RBFOX1: variants seen among roughly 807,000 people sequenced by gnomAD.
The protein encoded by RBFOX1 is RNA binding fox-1 homolog 1.
In RBFOX1, 8 loss-of-function variants were observed where a neutral mutation model predicts 57.7. The observed-to-expected ratio is 0.14, with a 90% CI of 0.08 to 0.25. The LOEUF is 0.25. Ranked by LOEUF, RBFOX1 falls within the 10% of genes least tolerant of loss-of-function variation. RBFOX1 has a pLI of 1.00. For missense variants in RBFOX1, 611 were observed against 548.5 expected (o/e 1.11, Z -1.14); for synonymous variants, 326 against 222.4 (o/e 1.47, Z -4.15).
At chr16:6,239,704 G>T (rs557451028) in intron 1 of RBFOX1, among the ~76,000 whole-genome samples, 2 of 151,924 alleles carry the variant, frequency 1.3e-5, no homozygotes, top group Non-Finnish European at 2.9e-5. Flanking sequence ...TCACCATGTT[G>T]ACCAGGCTGG....
At chr16:7,320,857 A>C (rs1314141571) in intron 4 of RBFOX1, among the ~76,000 whole-genome samples, 1 of 152,210 alleles carries the variant, frequency 6.6e-6, no homozygotes, top group African/African-American at 2.4e-5. Flanking sequence ...TATTGCCCCA[A>C]ATTTATAAGG....
intron 1 of RBFOX1, among the ~76,000 whole-genome samples, chr16:6,149,821 G>T (rs1363035316): frequency 6.6e-6 from 1 of 152,166 alleles, no homozygotes; most frequent in Non-Finnish European, 1.5e-5. Flanking sequence ...GAACGTTTAT[G>T]GCCTAATAGC....
At chr16:5,593,135 T>C (rs567057612) in intron 2 of RBFOX1, among the ~76,000 whole-genome samples, 8 of 151,642 alleles carry the variant, frequency 5.3e-5, no homozygotes, top group African/African-American at 2.0e-4. Context: ...ATGTGGCACA[T>C]ATACACCATG....
At chr16:6,652,219 G>A (rs2098602015) in intron 2 of RBFOX1, among the ~76,000 whole-genome samples, 2 of 152,158 alleles carry the variant, frequency 1.3e-5, no homozygotes, top group Non-Finnish European at 2.9e-5. Flanking sequence ...GGGAGGGCGA[G>A]GCGGGCAGAT....
chr16:6,290,606 C>T (rs572823304), intron 1 of RBFOX1, among the ~76,000 whole-genome samples: 25 of 152,226 alleles, frequency 1.6e-4, no homozygotes, highest in African/African-American at 6.0e-4. Context: ...ACATAGCGGT[C>T]ATCCTATTGT....
intron 4 of RBFOX1, among the ~76,000 whole-genome samples, chr16:7,452,782 C>G (rs982452497): frequency 6.6e-6 from 1 of 152,084 alleles, no homozygotes; most frequent in Non-Finnish European, 1.5e-5. Flanking sequence ...TACTTAGAGT[C>G]TGGTGAAAGA....
chr16:5,552,343 C>A (rs769516249), intron 2 of RBFOX1, among the ~76,000 whole-genome samples: 20 of 152,164 alleles, frequency 1.3e-4, no homozygotes, highest in Admixed American at 2.0e-4. Context: ...ATTTTTCCAG[C>A]GCTATTTGCT....
At chr16:7,554,056 CTA>C (rs1323752691) in intron 5 of RBFOX1, among the ~76,000 whole-genome samples, 2 of 152,144 alleles carry the variant, frequency 1.3e-5, no homozygotes, top group African/African-American at 2.4e-5. Flanking sequence ...CTGCAGCGAA[CTA>C]TGATCGGAAC....
At chr16:5,687,438 T>C (rs1009535287) in intron 3 of RBFOX1, among the ~76,000 whole-genome samples, 6 of 152,054 alleles carry the variant, frequency 3.9e-5, no homozygotes, top group Non-Finnish European at 8.8e-5. Flanking sequence ...GACACTGATA[T>C]GTACATCTCA....
chr16:6,921,741 A>G (rs142416842), intron 3 of RBFOX1, among the ~76,000 whole-genome samples: 139 of 151,734 alleles, frequency 9.2e-4, no homozygotes, highest in African/African-American at 3.2e-3. Context: ...ATATATGAGC[A>G]TATGTATGTG....
Position 7,200,618 on chromosome 16 carries a change from T to G in RBFOX1, c.27+148520T>G, listed in dbSNP as rs1380940216. Among the ~76,000 whole-genome samples, 3 of 152,328 alleles carry G rather than the reference T, an allele frequency of 2.0e-5. No homozygotes were observed. The East Asian group carries it at 5.8e-4, about 29-fold the overall frequency. On this transcript the variant is annotated intron_variant, in intron 4 of 15. Coordinates refer to ENST00000550418, the MANE Select transcript of RBFOX1 (RefSeq NM_018723.4). ...GCCAGCTGTCTACCCAGTATCCCTT[T>G]ATGCCTTCTTTTAAAGGAATAGAGT...
intron 3 of RBFOX1, among the ~76,000 whole-genome samples, chr16:7,008,675 T>C (rs1019199567): frequency 3.8e-3 from 9 of 2,394 alleles, no homozygotes; most frequent in South Asian, 0.071. Flanking sequence ...CTCCCTCCCT[T>C]CCTCCTCCCT....
intron 1 of RBFOX1, among the ~76,000 whole-genome samples, chr16:6,213,536 C>T (rs866343624): frequency 1.3e-5 from 2 of 152,170 alleles, no homozygotes; most frequent in South Asian, 2.1e-4. Context: ...AGGCAGGTAC[C>T]GCCTTCTGCT....
At chr16:5,541,548 T>G (rs1437762969) in intron 2 of RBFOX1, among the ~76,000 whole-genome samples, 1 of 152,120 alleles carries the variant, frequency 6.6e-6, no homozygotes, top group Non-Finnish European at 1.5e-5. Context: ...TGCATTCTCT[T>G]GAGTTTCTGA....
At chr16:6,600,026 A>G (rs1046537714) in intron 2 of RBFOX1, among the ~76,000 whole-genome samples, 24 of 152,296 alleles carry the variant, frequency 1.6e-4, no homozygotes, top group African/African-American at 5.8e-4. Context: ...GATAACTGCA[A>G]AGGGCATCTG....
intron 4 of RBFOX1, among the ~76,000 whole-genome samples, chr16:7,197,028 A>G (rs970564835): frequency 6.6e-6 from 1 of 152,206 alleles, no homozygotes; most frequent in Non-Finnish European, 1.5e-5. Context: ...TCGAAGGTGC[A>G]CACCATAGCC....
Position 7,355,069 on chromosome 16 carries a change from T to A in RBFOX1, c.28-163078T>A, listed in dbSNP as rs77787142. Among the ~76,000 whole-genome samples the A allele has an allele frequency of 1.6e-3, 245 of 152,308 alleles. 1 individual carries two copies. The highest frequency in any genetic ancestry group is 5.7e-3 in the African/African-American group (239 of 41,570). On this transcript the variant is annotated intron_variant, in intron 4 of 15. Coordinates refer to ENST00000550418, the MANE Select transcript of RBFOX1 (RefSeq NM_018723.4). The stretch of plus-strand genomic sequence containing the variant: ...AAGCATTTAACGCATGAGGTCTTAG[T>A]TAATCCTCCCAAAACTCTAACAGGT...
intron 1 of RBFOX1, among the ~76,000 whole-genome samples, chr16:6,135,750 G>T (rs1029295058): frequency 1.3e-5 from 2 of 150,932 alleles, no homozygotes; most frequent in African/African-American, 4.9e-5. Flanking sequence ...GGCTGAAGGT[G>T]GCAGGGGAAT....
chr16:7,185,914 A>C (rs1486291146), intron 4 of RBFOX1, among the ~76,000 whole-genome samples: 1 of 152,106 alleles, frequency 6.6e-6, no homozygotes, highest in Non-Finnish European at 1.5e-5. Flanking sequence ...TACAATTCCC[A>C]CTGGTGACTC....
Sources: allele counts gnomAD v4.1 joint callset (sites outside exome capture counted in the v4.1 genomes callset), GRCh38; gene constraint gnomAD v4.1.1; transcripts MANE v1.5; gene names NCBI Gene and HGNC (gene_info 2026-07-23, HGNC 2026-07-21).